The following OTC variants were observed in gnomAD, a reference collection of about 807,000 sequenced individuals.
The protein encoded by OTC is ornithine transcarbamylase, mitochondrial.
OTC carries 3 observed loss-of-function variants against 30.3 expected under a neutral mutation model. The ratio of observed to expected loss-of-function variants is 0.10; its 90% CI spans 0.05 to 0.26. The LOEUF is 0.26. Among genes scored for constraint, OTC ranks in the 10% least tolerant of loss-of-function variants. The pLI is 1.00. For missense variants in OTC, 194 were observed against 260.3 expected (o/e 0.75, Z 1.75); for synonymous variants, 111 against 99.7 (o/e 1.11, Z -0.67).
At chrX:38,330,314 T>C in the OTC span, among the ~76,000 whole-genome samples, 3 of 111,975 alleles carry the variant, frequency 2.7e-5, no homozygotes, top group Non-Finnish European at 5.6e-5. Context: ...TTGATTTTAG[T>C]CCAGTGAGAC....
Position 38,362,621 on chromosome X carries a change from A to G in OTC, c.78-4670A>G, listed in dbSNP as rs570528227. Among the ~76,000 whole-genome samples the G allele has an allele frequency of 7.1e-5, 8 of 112,571 alleles. No individual in the cohort carries two copies. The South Asian group carries it at 1.1e-3, about 16-fold the overall frequency. On this transcript the variant is annotated intron_variant, in intron 1 of 9. Coordinates refer to ENST00000039007, the MANE Select transcript of OTC (RefSeq NM_000531.6). Reference sequence around the variant, plus strand: ...AAATCTTCTGTCAGTGGAGAAATAGAAACAGCAGCATCTCACAATGCAAAC... The same window carrying G: ...AAATCTTCTGTCAGTGGAGAAATAGGAACAGCAGCATCTCACAATGCAAAC...
chrX:38,374,759 T>A (rs2068337600), intron 3 of OTC, among the ~76,000 whole-genome samples: 1 of 112,039 alleles, frequency 8.9e-6, no homozygotes. Context: ...GAAGTCTTCA[T>A]CCATAGTCCT....
intron 1 of OTC, among the ~76,000 whole-genome samples, chrX:38,356,097 T>G (rs1253110842): frequency 3.0e-5 from 3 of 100,667 alleles, no homozygotes; most frequent in Non-Finnish European, 6.1e-5. Flanking sequence ...CAGAAAACCA[T>G]ACAAGAGATG....
intron 8 of OTC, among the ~76,000 whole-genome samples, chrX:38,411,176 C>T (rs1232858275): frequency 1.8e-5 from 2 of 109,973 alleles, no homozygotes; most frequent in Non-Finnish European, 3.8e-5. Context: ...GAGATCAGCT[C>T]CAAATATAAT....
At chrX:38,332,337 A>G in the OTC span, among the ~76,000 whole-genome samples, 1 of 105,352 alleles carries the variant, frequency 9.5e-6, no homozygotes, top group Non-Finnish European at 1.9e-5. Context: ...TGCACAATGA[A>G]TGTAATGTGC....
In OTC at chrX:38,408,809, A is replaced by C; in HGVS notation, c.717+14A>C. 4 of 1,205,683 alleles carry C rather than the reference A, an allele frequency of 3.3e-6. No individual in the cohort carries two copies. Among genetic ancestry groups the C allele is most frequent in the East Asian group, 3.0e-5 (1 of 33,811 alleles). ...TATGCCAAAGAGGTATGCTCTTTACATGTAAAGCTATTATTGCCTTTTACT... is the reference window on the plus strand; with the variant it reads ...TATGCCAAAGAGGTATGCTCTTTACCTGTAAAGCTATTATTGCCTTTTACT... On this transcript the variant is annotated intron_variant, in intron 7 of 9. Transcript: ENST00000039007.
At chrX:38,375,837 TAA>T (rs2068345111) in intron 3 of OTC, among the ~76,000 whole-genome samples, 1 of 110,976 alleles carries the variant, frequency 9.0e-6, no homozygotes, top group African/African-American at 3.3e-5. Context: ...GATACAATTA[TAA>T]AGAGAGTAAG....
In OTC at chrX:38,352,713, G is replaced by A; in HGVS notation, c.17G>A (p.Arg6Lys). 8.3e-7 allele frequency: 1 copy of A among 1,205,305 alleles called. No homozygotes were observed. Among genetic ancestry groups the A allele is most frequent in the Non-Finnish European group, 1.1e-6 (1 of 889,629 alleles). Reference protein sequence around the residue: MLFNLRILLNNAAFRN... With the variant: MLFNLKILLNNAAFRN... Reference sequence around the variant, plus strand: ...TAAAAGAAGATGCTGTTTAATCTGAGGATCCTGTTAAACAATGCAGCTTTT... The same window carrying A: ...TAAAAGAAGATGCTGTTTAATCTGAAGATCCTGTTAAACAATGCAGCTTTT... The change falls in exon 1 of 10, where the codon AGG becomes AAG. Residue 6 changes from arginine to lysine, a missense_variant. By Grantham distance (26) the Arg-to-Lys change is conservative. Coordinates refer to ENST00000039007, the MANE Select transcript of OTC (RefSeq NM_000531.6).
intron 3 of OTC, among the ~76,000 whole-genome samples, chrX:38,375,805 G>A (rs2068344839): frequency 9.0e-6 from 1 of 111,521 alleles, no homozygotes; most frequent in South Asian, 3.7e-4. Flanking sequence ...GCATATAGAT[G>A]ATATTTAAGG....
chrX:38,345,070 C>T, the OTC span, among the ~76,000 whole-genome samples: 2 of 110,980 alleles, frequency 1.8e-5, no homozygotes, highest in Non-Finnish European at 3.8e-5. Context: ...GGTGTGGTGG[C>T]ACACACCTAT....
chrX:38,385,555 G>T (rs922345855), intron 4 of OTC, among the ~76,000 whole-genome samples: 1 of 111,739 alleles, frequency 8.9e-6, no homozygotes, highest in Non-Finnish European at 1.9e-5. Context: ...GAGTGTCACA[G>T]AAAGAACTGC....
intron 1 of OTC, among the ~76,000 whole-genome samples, chrX:38,363,945 G>A (rs1371144141): frequency 9.1e-6 from 1 of 110,340 alleles, no homozygotes; most frequent in African/African-American, 3.3e-5. Flanking sequence ...GGCCAACATG[G>A]TGAAACCCTG....
chrX:38,385,676 A>T (rs1324015917), intron 4 of OTC, among the ~76,000 whole-genome samples: 3 of 84,477 alleles, frequency 3.6e-5, no homozygotes, highest in African/African-American at 1.1e-4. Context: ...ATTTTTTTTT[A>T]AAAAAGCACC....
chrX:38,370,641 A>G (rs927531238), intron 3 of OTC, among the ~76,000 whole-genome samples: 6 of 111,468 alleles, frequency 5.4e-5, no homozygotes, highest in African/African-American at 2.0e-4. Context: ...TGCGCGGGGA[A>G]GAGCTGGCCT....
At chrX:38,357,821 C>T (rs2147318536) in intron 1 of OTC, among the ~76,000 whole-genome samples, 1 of 112,279 alleles carries the variant, frequency 8.9e-6, no homozygotes, top group African/African-American at 3.2e-5. Context: ...TAAGAAATCT[C>T]TGTAATTATT....
intron 3 of OTC, among the ~76,000 whole-genome samples, chrX:38,373,234 A>G (rs957487594): frequency 3.6e-5 from 4 of 112,127 alleles, no homozygotes; most frequent in Non-Finnish European, 7.5e-5. Flanking sequence ...GGTAACTATT[A>G]TCCTGGCTTC....
At chrX:38,377,582 G>A (rs1056663901) in intron 3 of OTC, among the ~76,000 whole-genome samples, 4 of 112,064 alleles carry the variant, frequency 3.6e-5, no homozygotes, top group Non-Finnish European at 7.5e-5. Context: ...TTCTCAACAC[G>A]TTAGCTGCTA....
intron 3 of OTC, among the ~76,000 whole-genome samples, chrX:38,380,932 T>G (rs2068372939): frequency 9.0e-6 from 1 of 111,688 alleles, no homozygotes; most frequent in Non-Finnish European, 1.9e-5. Flanking sequence ...TTTTGCCATG[T>G]TGGCCAGGCT....
chrX:38,371,751 A>T, intron 3 of OTC, among the ~76,000 whole-genome samples: 1 of 111,861 alleles, frequency 8.9e-6, no homozygotes, highest in Non-Finnish European at 1.9e-5. Context: ...ATAAGGTGCT[A>T]ATCTTTAAAG....
Sources: gnomAD v4.1 joint callset for allele counts (sites outside exome capture counted in the v4.1 genomes callset) on GRCh38, gnomAD v4.1.1 for gene constraint, MANE v1.5 for transcripts, NCBI Gene and HGNC (gene_info 2026-07-23, HGNC 2026-07-21) for gene names.